FOCAD: variants seen among roughly 807,000 people sequenced by gnomAD.
FOCAD encodes focadhesin.
FOCAD carries 198 observed loss-of-function variants against 225.6 expected under a neutral mutation model. The observed-to-expected ratio is 0.88, with a 90% CI of 0.78 to 0.99. The LOEUF is 0.99. FOCAD is among the 50% of genes least tolerant of loss of function. The pLI, the probability that FOCAD is intolerant of heterozygous loss-of-function variation, is 0.00. For synonymous variants in FOCAD, 897 were observed against 755.0 expected (o/e 1.19, Z -3.08); for missense variants, 2,713 against 2,123.6 (o/e 1.28, Z -5.46).
chr9:20,931,236 C>A (rs1423453421), intron 27 of FOCAD, among the ~76,000 whole-genome samples: 2 of 152,160 alleles, frequency 1.3e-5, no homozygotes, highest in Non-Finnish European at 2.9e-5. Context: ...TGAATTCACA[C>A]CTGAAGGAAA....
chr9:20,956,112 G>T (rs1564201383), intron 35 of FOCAD, among the ~76,000 whole-genome samples: 1 of 152,296 alleles, frequency 6.6e-6, no homozygotes, highest in South Asian at 2.1e-4. Flanking sequence ...ATCTGCGTGT[G>T]TAAGTATTGG....
chr9:20,813,300 A>G (rs1823287415), intron 11 of FOCAD, among the ~76,000 whole-genome samples: 1 of 152,144 alleles, frequency 6.6e-6, no homozygotes, highest in South Asian at 2.1e-4. Context: ...CTTGAGTATT[A>G]TGAATAAAGC....
In FOCAD at chr9:20,866,065, A is replaced by G. The variant is rs1829201627; in HGVS notation, c.2106+89A>G. The G allele has an allele frequency of 2.7e-6, 3 of 1,103,802 alleles. No individual in the cohort carries two copies. The East Asian group carries it at 7.6e-5, about 28-fold the overall frequency. 68.4% of individuals were successfully genotyped at this position (1,103,802 alleles called of 1,614,324 possible). On this transcript the variant is annotated intron_variant, in intron 17 of 43. Transcript: ENST00000338382. ...AAATAAGACTCTTAGGATAAAAAGT[A>G]CAACTGCCTTGAAATAATGGGTTCC...
intron 37 of FOCAD, 128 bp from the exon 38 acceptor site, chr9:20,981,298 G>C: frequency 9.2e-7 from 1 of 1,089,182 alleles, no homozygotes; most frequent in Non-Finnish European, 1.3e-6. Flanking sequence ...GAAAATGAAG[G>C]GGGAAGGAAG....
intron 18 of FOCAD, among the ~76,000 whole-genome samples, chr9:20,871,771 G>T (rs13297694): frequency 8.7e-6 from 1 of 114,492 alleles, no homozygotes; most frequent in African/African-American, 3.2e-5. Flanking sequence ...GGTGGGGGGT[G>T]GGGGGAGGGG....
rs748395149 is a variant in FOCAD, at chr9:20,948,367, G to C, written c.3772G>C (p.Ala1258Pro). 5.0e-6 allele frequency: 8 copies of C among 1,612,348 alleles called. No homozygotes were observed. The highest frequency in any genetic ancestry group is 6.8e-6 in the Non-Finnish European group (8 of 1,178,818). ...AGACTTGGGCAGCAAACTACTCCCT[G>C]CCTGGATCAGAATTGTTCTAACAGA... is the stretch of plus-strand genomic sequence containing the variant. ...AEDLGSKLLP[A>P]WIRIVLTEGT... The change falls in exon 31 of 44, where the codon GCC becomes CCC. Residue 1258 changes from alanine to proline, a missense_variant. Physicochemically the swap from Ala to Pro is conservative, Grantham distance 27 (BLOSUM62 -1). Transcript: ENST00000338382.
intron 7 of FOCAD, among the ~76,000 whole-genome samples, chr9:20,767,599 G>A (rs1040659284): frequency 6.6e-6 from 1 of 150,888 alleles, no homozygotes; most frequent in Non-Finnish European, 1.5e-5. Context: ...TTTTTCATGT[G>A]TTTTTTGGCT....
chr9:20,893,094 C>A (rs1831766559), intron 21 of FOCAD, among the ~76,000 whole-genome samples: 1 of 152,060 alleles, frequency 6.6e-6, no homozygotes, highest in African/African-American at 2.4e-5. Flanking sequence ...GGTGCAGTTA[C>A]AGAACACTAC....
At chr9:20,904,611 G>C (rs1832804088) in intron 21 of FOCAD, among the ~76,000 whole-genome samples, 1 of 151,950 alleles carries the variant, frequency 6.6e-6, no homozygotes, top group African/African-American at 2.4e-5. Context: ...AAACTTGACT[G>C]TTAGTCTTCC....
intron 1 of FOCAD, among the ~76,000 whole-genome samples, chr9:20,713,909 A>G (rs1188999204): frequency 1.3e-5 from 2 of 152,242 alleles, no homozygotes; most frequent in Non-Finnish European, 2.9e-5. Flanking sequence ...TGACCTGCTT[A>G]AGCTAATAAA....
chr9:20,704,338 C>T (rs1339610711), intron 1 of FOCAD, among the ~76,000 whole-genome samples: 1 of 152,158 alleles, frequency 6.6e-6, no homozygotes, highest in African/African-American at 2.4e-5. Context: ...CTTTCATTAG[C>T]ACTCAGTATG....
At chr9:20,716,779 G>A (rs1160748955) in intron 2 of FOCAD, among the ~76,000 whole-genome samples, 1 of 152,172 alleles carries the variant, frequency 6.6e-6, no homozygotes, top group East Asian at 1.9e-4. Context: ...GATGGCAGCA[G>A]TTGAGATACA....
At chr9:20,979,558 C>T (rs776303021) in intron 37 of FOCAD, among the ~76,000 whole-genome samples, 2 of 152,136 alleles carry the variant, frequency 1.3e-5, no homozygotes, top group East Asian at 1.9e-4. Context: ...AGGCTGGTTT[C>T]GAACTCCTGA....
At chr9:20,915,976 C>G (rs1833835300) in intron 23 of FOCAD, among the ~76,000 whole-genome samples, 1 of 152,102 alleles carries the variant, frequency 6.6e-6, no homozygotes, top group Non-Finnish European at 1.5e-5. Flanking sequence ...CAGTCAAATG[C>G]TTTTAAAAAA....
chr9:20,982,194 T>A (rs988170452), intron 38 of FOCAD, among the ~76,000 whole-genome samples, 163 bp from the exon 39 acceptor site: 1 of 152,220 alleles, frequency 6.6e-6, no homozygotes, highest in African/African-American at 2.4e-5. Flanking sequence ...ACAGGAAAGA[T>A]GTCTTCAAAA....
chr9:20,774,304 G>T (rs564279205), intron 8 of FOCAD, among the ~76,000 whole-genome samples: 14 of 152,294 alleles, frequency 9.2e-5, no homozygotes, highest in African/African-American at 2.6e-4. Context: ...GACTACAGGG[G>T]ATGGTGTGTT....
At chr9:20,688,043 T>C (rs1285845086) in intron 1 of FOCAD, among the ~76,000 whole-genome samples, 1 of 152,188 alleles carries the variant, frequency 6.6e-6, no homozygotes, top group East Asian at 1.9e-4. Context: ...CATAGACCCT[T>C]AATGTGTTAA....
chr9:20,790,943 T>C (rs965990182), intron 11 of FOCAD, among the ~76,000 whole-genome samples: 1 of 152,204 alleles, frequency 6.6e-6, no homozygotes, highest in Non-Finnish European at 1.5e-5. Flanking sequence ...ATCTGTAATG[T>C]ACTCAAAATA....
At chr9:20,979,832 CA>C (rs1254131084) in intron 37 of FOCAD, among the ~76,000 whole-genome samples, 1 of 152,190 alleles carries the variant, frequency 6.6e-6, no homozygotes, top group African/African-American at 2.4e-5. Context: ...TGAGTACTTA[CA>C]GAAATCAGAC....
Sources: gnomAD v4.1 joint callset for allele counts (sites outside exome capture counted in the v4.1 genomes callset) on GRCh38, gnomAD v4.1.1 for gene constraint, MANE v1.5 for transcripts, NCBI Gene and HGNC (gene_info 2026-07-23, HGNC 2026-07-21) for gene names.